ARIH1: variants seen among roughly 807,000 people sequenced by gnomAD.
ARIH1 encodes ariadne RBR E3 ubiquitin protein ligase 1, also known as E3 ubiquitin-protein ligase ARIH1.
ARIH1 carries 8 observed loss-of-function variants against 85.0 expected under a neutral mutation model. The observed-to-expected ratio is 0.09, with a 90% CI of 0.06 to 0.17. The LOEUF is 0.17. Ranked by LOEUF, ARIH1 falls within the 10% of genes least tolerant of loss-of-function variation. The pLI is 1.00. For synonymous variants in ARIH1, 238 were observed against 253.6 expected (o/e 0.94, Z 0.59); for missense variants, 311 against 718.1 (o/e 0.43, Z 6.48).
chr15:72,478,407 G>T (rs527860704), intron 1 of ARIH1, among the ~76,000 whole-genome samples: 5 of 152,158 alleles, frequency 3.3e-5, no homozygotes, highest in African/African-American at 9.7e-5. Flanking sequence ...TTGAGCCACC[G>T]CGCCCAGCCT....
chr15:72,525,137 C>T (rs765813050), intron 2 of ARIH1, among the ~76,000 whole-genome samples: 33 of 152,128 alleles, frequency 2.2e-4, no homozygotes, highest in Admixed American at 3.3e-4. Flanking sequence ...GTGATCTGCC[C>T]GCCTCAGCCT....
intron 1 of ARIH1, among the ~76,000 whole-genome samples, chr15:72,507,794 G>C (rs1420442762): frequency 6.6e-6 from 1 of 152,218 alleles, no homozygotes; most frequent in Admixed American, 6.5e-5. Flanking sequence ...TAGGACAGTT[G>C]ACATAATCAG....
Position 72,588,857 on chromosome 15 carries a change from A to T in ARIH1, c.*5565A>T, listed in dbSNP as rs1029106371. 1 of 152,218 alleles carries T rather than the reference A, an allele frequency of 6.6e-6. No homozygotes were observed. Among genetic ancestry groups the T allele is most frequent in the Admixed American group, 6.5e-5 (1 of 15,282 alleles). The allele number at this position is 152,218 out of a possible 1,614,324, so 9.4% of individuals were successfully genotyped here. On this transcript the variant is annotated 3_prime_UTR_variant, in exon 14 of 14. Transcript: ENST00000379887. Reference sequence around the variant, plus strand: ...AAGGGGGAGAAATCTATCTAGGGAAAATAATACAGAGTCTGAGCAAAGGAA... The same window carrying T: ...AAGGGGGAGAAATCTATCTAGGGAATATAATACAGAGTCTGAGCAAAGGAA...
chr15:72,501,443 C>G (rs1235945748), intron 1 of ARIH1, among the ~76,000 whole-genome samples: 1 of 152,142 alleles, frequency 6.6e-6, no homozygotes, highest in Non-Finnish European at 1.5e-5. Context: ...CAGAATCCCA[C>G]CACTTATCAG....
At chr15:72,549,866 T>A (rs887898391) in intron 3 of ARIH1, among the ~76,000 whole-genome samples, 8 of 152,206 alleles carry the variant, frequency 5.3e-5, no homozygotes, top group Non-Finnish European at 7.3e-5. Context: ...GTATTTGTGA[T>A]ATAAACAGGG....
At chr15:72,507,340 C>T (rs1164939138) in intron 1 of ARIH1, among the ~76,000 whole-genome samples, 1 of 152,100 alleles carries the variant, frequency 6.6e-6, no homozygotes, top group African/African-American at 2.4e-5. Context: ...GTGATTCTAC[C>T]TGGAGAGTTT....
At chr15:72,576,026 GT>G (rs1375538851) in intron 11 of ARIH1, among the ~76,000 whole-genome samples, 1 of 152,080 alleles carries the variant, frequency 6.6e-6, no homozygotes, top group Non-Finnish European at 1.5e-5. Context: ...ACTTGTGTTG[GT>G]TTTTTGAAGT....
At chr15:72,483,490 T>C (rs1003289675) in intron 1 of ARIH1, among the ~76,000 whole-genome samples, 5 of 152,186 alleles carry the variant, frequency 3.3e-5, no homozygotes, top group African/African-American at 1.2e-4. Context: ...TATACAAAGA[T>C]GTGAAGACCA....
At chr15:72,524,126 T>G (rs2064014855) in intron 2 of ARIH1, among the ~76,000 whole-genome samples, 1 of 151,966 alleles carries the variant, frequency 6.6e-6, no homozygotes, top group Non-Finnish European at 1.5e-5. Flanking sequence ...TTTTTGTATT[T>G]TTAGTAGAGA....
intron 1 of ARIH1, among the ~76,000 whole-genome samples, chr15:72,502,057 G>C (rs2063906140): frequency 6.6e-6 from 1 of 152,046 alleles, no homozygotes; most frequent in Non-Finnish European, 1.5e-5. Context: ...TTTAAGTCTT[G>C]AGTATTTTTT....
At position 72,516,222 on chromosome 15, in the gene ARIH1, C is replaced by A. The variant is rs569493446; in HGVS notation, c.376-1845C>A. Reference sequence around the variant, plus strand: ...AAATAGTTTACCCCAAGCACCCTATCCAGTGGTAGAAAATACAGTGTACTG... The same window carrying A: ...AAATAGTTTACCCCAAGCACCCTATACAGTGGTAGAAAATACAGTGTACTG... On this transcript the variant is annotated intron_variant, in intron 1 of 13. Transcript: ENST00000379887. Among the ~76,000 whole-genome samples the A allele has an allele frequency of 1.6e-4, 25 of 152,218 alleles. No individual in the cohort carries two copies. The South Asian group carries it at 5.0e-3, about 30-fold the overall frequency.
chr15:72,544,784 T>C, intron 2 of ARIH1, 36 bp from the exon 3 acceptor site: 1 of 1,581,344 alleles, frequency 6.3e-7, no homozygotes, highest in African/African-American at 1.3e-5. Context: ...GTGTGCAAGT[T>C]GCTGGGCTCT....
intron 7 of ARIH1, among the ~76,000 whole-genome samples, chr15:72,565,688 A>G (rs1379556590): frequency 1.3e-5 from 2 of 152,230 alleles, no homozygotes; most frequent in Non-Finnish European, 2.9e-5. Context: ...ACAGCAGTGA[A>G]TACCTATATA....
intron 5 of ARIH1, among the ~76,000 whole-genome samples, chr15:72,557,741 G>C (rs2064180704): frequency 6.6e-6 from 1 of 152,034 alleles, no homozygotes. Flanking sequence ...AAGATATAGG[G>C]GTCAAGTTTC....
At chr15:72,505,497 GA>G (rs1370513287) in intron 1 of ARIH1, among the ~76,000 whole-genome samples, 1 of 151,784 alleles carries the variant, frequency 6.6e-6, no homozygotes, top group African/African-American at 2.4e-5. Context: ...GTCTCCTCTT[GA>G]AAAAATGTAT....
At chr15:72,534,984 G>A (rs1237777321) in intron 2 of ARIH1, among the ~76,000 whole-genome samples, 6 of 25,208 alleles carry the variant, frequency 2.4e-4, no homozygotes, top group Admixed American at 1.2e-3. Flanking sequence ...ACGGAGTCTC[G>A]CTGTCGCCCA....
In ARIH1 at chr15:72,596,633, G is replaced by T. The variant is rs1313746867; in HGVS notation, c.*13341G>T. On this transcript the variant is annotated 3_prime_UTR_variant, in exon 14 of 14. Coordinates refer to ENST00000379887, the MANE Select transcript of ARIH1 (RefSeq NM_005744.5). Reference sequence around the variant, plus strand: ...ACAGATCTCAGATGATTTTTCCCCTGCCCTGTTTTCTTTTTGTTTTCAGTT... The same window carrying T: ...ACAGATCTCAGATGATTTTTCCCCTTCCCTGTTTTCTTTTTGTTTTCAGTT... 1.3e-5 allele frequency: 2 copies of T among 151,932 alleles called. No homozygotes were observed. The highest frequency in any genetic ancestry group is 2.4e-5 in the African/African-American group (1 of 41,354). The allele number at this position is 151,932 out of a possible 1,614,324, so 9.4% of individuals were successfully genotyped here. A position where few individuals can be genotyped will look rare whatever the true frequency, so the allele number is the denominator to read the frequency against.
chr15:72,504,746 A>G (rs2063917745), intron 1 of ARIH1, among the ~76,000 whole-genome samples: 1 of 152,182 alleles, frequency 6.6e-6, no homozygotes, highest in Non-Finnish European at 1.5e-5. Context: ...CACAGGTTTC[A>G]GGCTTTTTGG....
chr15:72,526,876 T>TTA (rs397727992), intron 2 of ARIH1, among the ~76,000 whole-genome samples: 134 of 149,922 alleles, frequency 8.9e-4, no homozygotes, highest in Non-Finnish European at 1.5e-3. Context: ...TTTTTTTTTT[T>TTA]AAATCTCTGC....
Sources: allele counts gnomAD v4.1 joint callset (sites outside exome capture counted in the v4.1 genomes callset), GRCh38; gene constraint gnomAD v4.1.1; transcripts MANE v1.5; gene names NCBI Gene and HGNC (gene_info 2026-07-23, HGNC 2026-07-21).